PTPRE: variants seen among roughly 807,000 people sequenced by gnomAD.
The protein encoded by PTPRE is receptor-type tyrosine-protein phosphatase epsilon.
A neutral mutation model predicts 102.0 loss-of-function variants in PTPRE; 51 were observed. That is an observed-to-expected ratio of 0.50 (90% CI 0.40 to 0.63). The LOEUF (loss-of-function observed/expected upper bound fraction) is 0.63, where lower values mean the gene tolerates loss of function less well. PTPRE is among the 30% of genes least tolerant of loss of function. PTPRE has a pLI of 0.00. For missense variants in PTPRE, 752 were observed against 915.1 expected, an observed-to-expected ratio of 0.82 and a Z score of 2.30; for synonymous variants, 345 against 348.2, an observed-to-expected ratio of 0.99 and a Z score of 0.10.
chr10:128,072,263 A>C, intron 16 of PTPRE, 49 bp downstream of exon 16: 5 of 1,458,590 alleles, frequency 3.4e-6, no homozygotes, highest in South Asian at 1.2e-5. Flanking sequence ...TTTCCTTCAC[A>C]TGTGACCACA....
At chr10:127,990,334 C>G (rs1018106761) in intron 2 of PTPRE, among the ~76,000 whole-genome samples, 2 of 150,080 alleles carry the variant, frequency 1.3e-5, no homozygotes, top group East Asian at 3.9e-4. Context: ...ATCACTTGAA[C>G]CCAGGAGGCG....
At position 128,070,958 on chromosome 10, in the gene PTPRE, T is replaced by C; in HGVS notation, c.1387+57T>C. 1 of 1,538,746 alleles carries C rather than the reference T, an allele frequency of 6.5e-7. No individual in the cohort carries two copies. Among genetic ancestry groups the C allele is most frequent in the Non-Finnish European group, 9.0e-7 (1 of 1,115,252 alleles). On this transcript the variant is annotated intron_variant, in intron 15 of 20. Coordinates refer to ENST00000254667, the MANE Select transcript of PTPRE (RefSeq NM_006504.6). This position sits in a 1 kb window ranked among gnomAD's most constrained non-coding sequence, Gnocchi z 4.8. ...CTGGGGCGGGGCTGGTGCCGGAGGC[T>C]TTCATCCTGGAGAAGCCATTGACCG...
chr10:127,955,501 A>G (rs1445191343), intron 1 of PTPRE, among the ~76,000 whole-genome samples: 2 of 152,230 alleles, frequency 1.3e-5, no homozygotes, highest in African/African-American at 2.4e-5. Flanking sequence ...GTCCATGTGT[A>G]TAGATGCATA....
chr10:128,045,232 C>T (rs1017083457), intron 3 of PTPRE, among the ~76,000 whole-genome samples: 2 of 152,260 alleles, frequency 1.3e-5, no homozygotes, highest in Non-Finnish European at 2.9e-5. Context: ...CCTTTCTGGG[C>T]TTGGGTGGTT....
intron 6 of PTPRE, 109 bp from the exon 7 acceptor site, chr10:128,056,014 G>A: frequency 1.2e-6 from 1 of 811,450 alleles, no homozygotes; most frequent in South Asian, 1.5e-5. Context: ...TGGACAGCAG[G>A]TAGTTTGCTC....
intron 1 of PTPRE, among the ~76,000 whole-genome samples, chr10:127,948,662 T>C (rs947967295): frequency 6.6e-6 from 1 of 152,238 alleles, no homozygotes; most frequent in African/African-American, 2.4e-5. Flanking sequence ...TTAAGGTTCT[T>C]CCCAGGCTTT....
At chr10:128,082,684 TA>T in intron 20 of PTPRE, 147 bp from the exon 21 acceptor site, 1 of 917,090 alleles carries the variant, frequency 1.1e-6, no homozygotes, top group Non-Finnish European at 1.5e-6. Flanking sequence ...TGCATGTGCC[TA>T]AAAACTAAAT....
intron 1 of PTPRE, among the ~76,000 whole-genome samples, chr10:127,920,421 C>T (rs950729663): frequency 6.6e-6 from 1 of 152,172 alleles, no homozygotes; most frequent in Non-Finnish European, 1.5e-5. Flanking sequence ...GGGCGTGTGA[C>T]AGCTCATGTG....
At chr10:127,995,620 C>CA (rs1407939844) in intron 2 of PTPRE, among the ~76,000 whole-genome samples, 1 of 152,186 alleles carries the variant, frequency 6.6e-6, no homozygotes, top group Non-Finnish European at 1.5e-5. Flanking sequence ...GTTGTTTAAA[C>CA]ACCGATATGA....
chr10:128,079,614 A>C lies in PTPRE; in HGVS notation c.1947A>C (p.Arg649=). 6.2e-7 allele frequency: 1 copy of C among 1,614,216 alleles called. No homozygotes were observed. The highest frequency in any genetic ancestry group is 8.5e-7 in the Non-Finnish European group (1 of 1,180,034). Residue 649 remains arginine (R), a synonymous_variant, in exon 20 of 21, where the codon CGA becomes CGC. Transcript: ENST00000254667. ...TFIALSNILE[R]VKAEGLLDVF... is the part of the protein sequence containing the mutation. ...TAGCCCTCAGCAACATTTTGGAGCG[A>C]GTAAAAGCCGAGGGACTTTTAGATG...
intron 1 of PTPRE, among the ~76,000 whole-genome samples, chr10:127,947,169 T>C (rs1017402013): frequency 1.3e-5 from 2 of 152,238 alleles, no homozygotes; most frequent in Admixed American, 1.3e-4. Context: ...AATACTCTTG[T>C]GCATTGTTCA....
rs771212284 is a variant in PTPRE at position 127,986,827 on chromosome 10, C to T, written c.-8+4531C>T. ...TTTCCAGCAGGGCAGGAGCTATATG[C>T]CCCGGGCCGGCCTTCAGAATCCCAG... On this transcript the variant is annotated intron_variant, in intron 2 of 20. Transcript: ENST00000254667. 1.7e-4 allele frequency among the ~76,000 whole-genome samples: 26 copies of T among 152,352 alleles called. 1 individual carries two copies. The highest frequency in any genetic ancestry group is 5.8e-4 in the African/African-American group (24 of 41,580).
In PTPRE at chr10:128,070,921, G is replaced by C; in HGVS notation, c.1387+20G>C. The C allele has an allele frequency of 1.2e-6, 2 of 1,603,620 alleles. No homozygotes were observed. The highest frequency in any genetic ancestry group is 1.7e-6 in the Non-Finnish European group (2 of 1,170,688). ...TCCCGTGTAAGGCACCCGTGGCGTG[G>C]CTTGGGCAGGGCTGGGGCGGGGCTG... On this transcript the variant is annotated intron_variant, in intron 15 of 20. Coordinates refer to ENST00000254667, the MANE Select transcript of PTPRE (RefSeq NM_006504.6). The surrounding 1 kb of genome is among the most constrained non-coding windows in gnomAD (Gnocchi z 4.8).
intron 1 of PTPRE, among the ~76,000 whole-genome samples, chr10:127,949,669 C>T (rs775923709): frequency 2.2e-4 from 34 of 152,144 alleles, no homozygotes; most frequent in Non-Finnish European, 3.8e-4. Context: ...GGGTGAGCTC[C>T]GGTATTCACA....
At chr10:127,951,011 G>A (rs913109295) in intron 1 of PTPRE, among the ~76,000 whole-genome samples, 2 of 151,972 alleles carry the variant, frequency 1.3e-5, no homozygotes, top group African/African-American at 4.8e-5. Context: ...GCAGGAGAAT[G>A]GCTTGCAGTG....
intron 2 of PTPRE, among the ~76,000 whole-genome samples, chr10:127,993,889 C>T (rs1852965127): frequency 6.6e-6 from 1 of 152,008 alleles, no homozygotes; most frequent in Non-Finnish European, 1.5e-5. Context: ...ATCCAGCCCC[C>T]ATCCTCCCTG....
intron 1 of PTPRE, among the ~76,000 whole-genome samples, chr10:127,961,803 T>C (rs932619062): frequency 6.6e-6 from 1 of 152,176 alleles, no homozygotes; most frequent in Admixed American, 6.5e-5. Context: ...CAGGCAGCAC[T>C]GAGAACCCAG....
At chr10:128,016,401 C>T (rs1411076433) in intron 2 of PTPRE, among the ~76,000 whole-genome samples, 1 of 152,156 alleles carries the variant, frequency 6.6e-6, no homozygotes, top group Non-Finnish European at 1.5e-5. Context: ...CCTTCACCAC[C>T]AGCCATCCAT....
chr10:128,022,839 G>A (rs368713201), intron 2 of PTPRE, among the ~76,000 whole-genome samples: 1 of 152,200 alleles, frequency 6.6e-6, no homozygotes, highest in Non-Finnish European at 1.5e-5. Context: ...AGGAGATGAC[G>A]GTCGATTGGA....
Sources: gnomAD v4.1 joint callset for allele counts (sites outside exome capture counted in the v4.1 genomes callset) on GRCh38, gnomAD v4.1.1 for gene constraint, Gnocchi (gnomAD v3.1) non-coding constraint, MANE v1.5 for transcripts, NCBI Gene and HGNC (gene_info 2026-07-23, HGNC 2026-07-21) for gene names.